The following G2E3 variants were observed in gnomAD, a reference collection of about 807,000 sequenced individuals.
The protein encoded by G2E3 is G2/M-phase specific E3 ubiquitin protein ligase, also known as G2/M phase-specific E3 ubiquitin-protein ligase.
G2E3 carries 35 observed loss-of-function variants against 92.8 expected under a neutral mutation model. The ratio of observed to expected loss-of-function variants is 0.38; its 90% CI spans 0.29 to 0.50. G2E3 has a LOEUF of 0.50. Ranked by LOEUF, G2E3 falls within the 20% of genes least tolerant of loss-of-function variation. The probability of loss-of-function intolerance (pLI) is 0.94; values close to 1 mark genes in which losing one functional copy is unlikely to be tolerated. For synonymous variants in G2E3, 242 were observed against 272.4 expected, an observed-to-expected ratio of 0.89 and a Z score of 1.10; for missense variants, 554 against 823.8, an observed-to-expected ratio of 0.67 and a Z score of 4.01.
chr14:30,602,156 A>G, intron 10 of G2E3, 25 bp downstream of exon 10: 1 of 1,562,940 alleles, frequency 6.4e-7, no homozygotes, highest in African/African-American at 1.4e-5. Flanking sequence ...TTGGAGAAAT[A>G]CATAAAAATC....
chr14:30,601,463 G>C (rs1226901798), intron 8 of G2E3, among the ~76,000 whole-genome samples: 2 of 152,176 alleles, frequency 1.3e-5, no homozygotes, highest in Non-Finnish European at 2.9e-5. Flanking sequence ...TCATCTCTAA[G>C]TAGAAAGGAA....
At chr14:30,579,646 C>T (rs961327172) in intron 1 of G2E3, among the ~76,000 whole-genome samples, 1 of 152,034 alleles carries the variant, frequency 6.6e-6, no homozygotes, top group Non-Finnish European at 1.5e-5. Flanking sequence ...ATATAATATT[C>T]TGTATTATTT....
In G2E3 at chr14:30,617,989, G is replaced by T. The variant is rs1409622223; in HGVS notation, c.*1455G>T. The T allele has an allele frequency of 1.3e-5, 2 of 151,898 alleles. No homozygotes were observed. The highest frequency in any genetic ancestry group is 3.9e-4 in the East Asian group (2 of 5,192). The allele number at this position is 151,898 out of a possible 1,614,324, so 9.4% of individuals were successfully genotyped here. The stretch of plus-strand genomic sequence containing the variant: ...ATATTTTTCTTAATACACAAAGCAG[G>T]TGTCAGCTGTTGTATTCTCACCCTT... On this transcript the variant is annotated 3_prime_UTR_variant, in exon 15 of 15. Coordinates refer to ENST00000206595, the MANE Select transcript of G2E3 (RefSeq NM_017769.5).
intron 1 of G2E3, among the ~76,000 whole-genome samples, chr14:30,571,260 T>G (rs78673303): frequency 0.022 from 3,346 of 151,610 alleles, 132 homozygotes; most frequent in African/African-American, 0.076. Context: ...CTATGTTGTG[T>G]TTTTTTTAAA....
intron 10 of G2E3, 23 bp from the exon 11 acceptor site, chr14:30,605,482 A>G: frequency 3.1e-6 from 3 of 953,758 alleles, no homozygotes; most frequent in South Asian, 1.7e-5. Context: ...ACTTATCTCT[A>G]TATTTAAATT....
At chr14:30,598,743 A>G in intron 8 of G2E3, 144 bp downstream of exon 8, 1 of 681,908 alleles carries the variant, frequency 1.5e-6, no homozygotes, top group Non-Finnish European at 2.7e-6. Context: ...TCTAATGCAC[A>G]TTTACGTCTG....
At chr14:30,591,088 T>G (rs571587275) in intron 4 of G2E3, 28 of 171,416 alleles carry the variant, frequency 1.6e-4, no homozygotes, top group Non-Finnish European at 2.5e-4. Flanking sequence ...CAACCTGTAC[T>G]TATTTTCTTA....
intron 3 of G2E3, 27 bp from the exon 4 acceptor site, chr14:30,589,356 A>G (rs1297707098): frequency 7.8e-7 from 1 of 1,283,778 alleles, no homozygotes; most frequent in African/African-American, 1.5e-5. Context: ...CTTAGAGTTT[A>G]TTTTCTAATT....
chr14:30,580,630 C>T (rs972641828), intron 1 of G2E3, among the ~76,000 whole-genome samples: 4 of 152,068 alleles, frequency 2.6e-5, no homozygotes, highest in African/African-American at 9.7e-5. Flanking sequence ...TAGAAATTTC[C>T]TTGATTGACA....
At chr14:30,597,790 T>C (rs1279006277) in intron 7 of G2E3, among the ~76,000 whole-genome samples, 1 of 152,250 alleles carries the variant, frequency 6.6e-6, no homozygotes, top group Non-Finnish European at 1.5e-5. Context: ...TGTACACTTA[T>C]AATAGGCTTC....
At chr14:30,599,871 C>T (rs1881480335) in intron 8 of G2E3, among the ~76,000 whole-genome samples, 1 of 152,102 alleles carries the variant, frequency 6.6e-6, no homozygotes, top group South Asian at 2.1e-4. Flanking sequence ...GGTAATTTAA[C>T]TAGATTCATC....
intron 4 of G2E3, among the ~76,000 whole-genome samples, chr14:30,591,289 A>C (rs139538534): frequency 6.6e-6 from 1 of 152,026 alleles, no homozygotes; most frequent in African/African-American, 2.4e-5. Flanking sequence ...TGACCATTTT[A>C]ATTGCCGTCT....
chr14:30,581,374 G>T (rs1467657284), intron 2 of G2E3, among the ~76,000 whole-genome samples: 2 of 152,090 alleles, frequency 1.3e-5, no homozygotes, highest in African/African-American at 4.8e-5. Context: ...AAAAAATGCA[G>T]ATGAGAACAA....
chr14:30,582,614 A>G (rs1423555716), intron 2 of G2E3, among the ~76,000 whole-genome samples: 1 of 152,198 alleles, frequency 6.6e-6, no homozygotes, highest in Non-Finnish European at 1.5e-5. Context: ...CTTGAGCTTT[A>G]TGCACACTTG....
At chr14:30,615,854 A>C (rs10132255) in intron 14 of G2E3, among the ~76,000 whole-genome samples, 1 of 152,128 alleles carries the variant, frequency 6.6e-6, no homozygotes, top group African/African-American at 2.4e-5. Flanking sequence ...ATCATTTTCA[A>C]TTTGAAGTTA....
At chr14:30,576,836 TA>T (rs149000182) in intron 1 of G2E3, among the ~76,000 whole-genome samples, 9,015 of 152,180 alleles carry the variant, frequency 0.059, 362 homozygotes, top group Non-Finnish European at 0.09. Flanking sequence ...AATGCTAGAT[TA>T]AAAAAATCAA....
intron 2 of G2E3, among the ~76,000 whole-genome samples, chr14:30,585,058 A>G (rs1170633800): frequency 6.6e-6 from 1 of 150,976 alleles, no homozygotes; most frequent in African/African-American, 2.4e-5. Context: ...CTGGTCTCGA[A>G]CTCCTGACCT....
chr14:30,589,100 C>T (rs1010485342), intron 3 of G2E3, among the ~76,000 whole-genome samples: 13 of 151,980 alleles, frequency 8.6e-5, no homozygotes, highest in Admixed American at 5.2e-4. Flanking sequence ...CCACTCACTG[C>T]CTTCTTTCCT....
Position 30,586,732 on chromosome 14 carries a change from C to T in G2E3, c.52C>T (p.Arg18Ter), listed in dbSNP as rs1392318005. 2.2e-6 allele frequency: 3 copies of T among 1,354,648 alleles called. No individual in the cohort carries two copies. The highest frequency in any genetic ancestry group is 2.2e-4 in the Middle Eastern group (1 of 4,454). The allele number at this position is 1,354,648 out of a possible 1,614,324, so 83.9% of individuals were successfully genotyped here. A position where few individuals can be genotyped will look rare whatever the true frequency, so the allele number is the denominator to read the frequency against. ...DSQNLACVFC[R>*]KHDDCPNKYG... ...TTCACTGTTAGCTTGTGTTTTCTGT[C>T]GAAAACATGATGACTGTCCTAATAA... Residue 18 changes from arginine (R) to a stop codon, truncating the protein, a stop_gained, in exon 3 of 15, where the codon CGA (arginine) becomes TGA (stop). Transcript: ENST00000206595. LOFTEE classifies it high-confidence loss of function.
Sources: gnomAD v4.1 joint callset for allele counts (sites outside exome capture counted in the v4.1 genomes callset) on GRCh38, gnomAD v4.1.1 for gene constraint, MANE v1.5 for transcripts, NCBI Gene and HGNC (gene_info 2026-07-23, HGNC 2026-07-21) for gene names.